Variants in ERGIC1 observed in about 807,000 individuals in gnomAD.
The protein encoded by ERGIC1 is endoplasmic reticulum-golgi intermediate compartment 1.
Under a neutral mutation model 38.3 loss-of-function variants are expected in ERGIC1, and 19 were observed. The ratio of observed to expected loss-of-function variants is 0.50; its 90% CI spans 0.35 to 0.73. The LOEUF is 0.73. Ranked by LOEUF, ERGIC1 falls within the 30% of genes least tolerant of loss-of-function variation. ERGIC1 has a pLI of 0.01. For missense variants in ERGIC1, 294 were observed against 389.2 expected (o/e 0.76, Z 2.06); for synonymous variants, 124 against 157.6 (o/e 0.79, Z 1.60).
intron 3 of ERGIC1, among the ~76,000 whole-genome samples, chr5:172,909,117 C>G (rs1581564502): frequency 6.6e-6 from 1 of 151,898 alleles, no homozygotes; most frequent in East Asian, 1.9e-4. Context: ...GCTCTTACCA[C>G]CGTGCTATCT....
intron 3 of ERGIC1, among the ~76,000 whole-genome samples, chr5:172,909,007 G>A (rs1055527457): frequency 4.6e-5 from 7 of 152,048 alleles, no homozygotes; most frequent in Non-Finnish European, 8.8e-5. Flanking sequence ...CACCTTATTC[G>A]TAGTGGGTGG....
At chr5:172,888,666 C>A in intron 1 of ERGIC1, 33 bp from the exon 2 acceptor site, 1 of 1,599,338 alleles carries the variant, frequency 6.3e-7, no homozygotes, top group Non-Finnish European at 8.6e-7. Context: ...CCCTTTGTGC[C>A]CACCTCACTC....
In ERGIC1 at chr5:172,908,309, G is replaced by C. The variant is rs1487917551; in HGVS notation, c.156-1358G>C. Among the ~76,000 whole-genome samples, 20 of 36,748 alleles carry C rather than the reference G, an allele frequency of 5.4e-4. 2 individuals carry two copies. The highest frequency in any genetic ancestry group is 2.4e-3 in the African/African-American group (20 of 8,416). The allele number at this position is 36,748 out of a possible 152,430, so 24.1% of individuals were successfully genotyped here. ...CTTTGGGAGGCTGAGGCGGGGGCGG[G>C]GGGGGGGGGAGAGAGGGGAGGGGGG... On this transcript the variant is annotated intron_variant, in intron 3 of 9. Transcript: ENST00000393784.
rs562604051 is a variant in ERGIC1, at chr5:172,923,988, T to G, written c.376-17T>G. ...GAGAAGTCAACCAAACTCCTGAAACTCACATTTCTCCCCCAGGTCCCCGGC... is the reference window on the plus strand; with the variant it reads ...GAGAAGTCAACCAAACTCCTGAAACGCACATTTCTCCCCCAGGTCCCCGGC... On this transcript the variant is annotated splice_polypyrimidine_tract_variant and intron_variant, in intron 5 of 9. Coordinates refer to ENST00000393784, the MANE Select transcript of ERGIC1 (RefSeq NM_001031711.3). 7.4e-6 allele frequency: 12 copies of G among 1,613,074 alleles called. No individual in the cohort carries two copies. In the African/African-American group the frequency reaches 1.6e-4, roughly 22 times the overall value.
chr5:172,841,735 C>G (rs551996623), intron 1 of ERGIC1, among the ~76,000 whole-genome samples: 1 of 152,284 alleles, frequency 6.6e-6, no homozygotes, highest in Admixed American at 6.5e-5. Context: ...CAATACCTCA[C>G]GGCCCTTCAG....
chr5:172,903,968 TACACAC>T (rs70984919), intron 3 of ERGIC1, among the ~76,000 whole-genome samples: 4 of 150,292 alleles, frequency 2.7e-5, no homozygotes, highest in Non-Finnish European at 4.4e-5. Flanking sequence ...GTCTCACACA[TACACAC>T]ACACACACAC....
At chr5:172,871,852 CT>C (rs1758979735) in intron 1 of ERGIC1, among the ~76,000 whole-genome samples, 1 of 152,220 alleles carries the variant, frequency 6.6e-6, no homozygotes. Context: ...CATTTATAAC[CT>C]GCTTATTATA....
Position 172,846,305 on chromosome 5 carries a change from G to C in ERGIC1, c.20+11872G>C, listed in dbSNP as rs543245104. Among the ~76,000 whole-genome samples, 1 of 152,184 alleles carries C rather than the reference G, an allele frequency of 6.6e-6. No homozygotes were observed. Among genetic ancestry groups the C allele is most frequent in the African/African-American group, 2.4e-5 (1 of 41,446 alleles). On this transcript the variant is annotated intron_variant, in intron 1 of 9. Transcript: ENST00000393784. The surrounding 1 kb of genome is among the most constrained non-coding windows in gnomAD (Gnocchi z 4.0). ...GTGTGATGCTACGTGACTTAACAGC[G>C]CCTCTTTCTGCGCTGTCTGTGCAGG...
chr5:172,877,900 A>C (rs1171655260), intron 1 of ERGIC1, among the ~76,000 whole-genome samples: 1 of 152,222 alleles, frequency 6.6e-6, no homozygotes, highest in African/African-American at 2.4e-5. Context: ...CCAGCCCAGC[A>C]AGAGTGGAAG....
At chr5:172,838,342 C>A (rs1270793842) in intron 1 of ERGIC1, among the ~76,000 whole-genome samples, 1 of 152,140 alleles carries the variant, frequency 6.6e-6, no homozygotes, top group Admixed American at 6.5e-5. Flanking sequence ...CAAGCATGGA[C>A]CCCCCTCTGA....
rs942678005 is a variant in ERGIC1, at chr5:172,907,582, G to A, written c.156-2085G>A. Among the ~76,000 whole-genome samples the A allele has an allele frequency of 3.3e-5, 5 of 151,420 alleles. No homozygotes were observed. In the South Asian group the frequency reaches 8.3e-4, roughly 25 times the overall value. On this transcript the variant is annotated intron_variant, in intron 3 of 9. Coordinates refer to ENST00000393784, the MANE Select transcript of ERGIC1 (RefSeq NM_001031711.3). Reference sequence around the variant, plus strand: ...AAAAAAAAAAAAGTATAAAGGCCTCGTGCAGCCTCCTTACACTGCAACCAC... The same window carrying A: ...AAAAAAAAAAAAGTATAAAGGCCTCATGCAGCCTCCTTACACTGCAACCAC...
rs953504699 is a variant in ERGIC1 at position 172,934,954 on chromosome 5, T to A, written c.643-234T>A. ...TTCTGATTCTGGTGCTGCTTGCAGC[T>A]CACTTGGTCAATTTCTAAACAACCA... On this transcript the variant is annotated intron_variant, in intron 8 of 9. Transcript: ENST00000393784. 4 of 550,810 alleles carry A rather than the reference T, an allele frequency of 7.3e-6. No individual in the cohort carries two copies. In the East Asian group the frequency reaches 1.2e-4, roughly 16 times the overall value. The allele number at this position is 550,810 out of a possible 1,614,324, so 34.1% of individuals were successfully genotyped here. A position where few individuals can be genotyped will look rare whatever the true frequency, so the allele number is the denominator to read the frequency against.
intron 3 of ERGIC1, among the ~76,000 whole-genome samples, chr5:172,901,902 T>G (rs1581557308): frequency 6.6e-6 from 1 of 152,182 alleles, no homozygotes; most frequent in Admixed American, 6.5e-5. Flanking sequence ...CCCCGGCAGG[T>G]CAGCACTTCA....
intron 1 of ERGIC1, among the ~76,000 whole-genome samples, chr5:172,869,413 T>G (rs1372461107): frequency 6.6e-6 from 1 of 152,172 alleles, no homozygotes; most frequent in African/African-American, 2.4e-5. Flanking sequence ...TAGCCATGAC[T>G]CACACCGAGT....
chr5:172,931,900 C>T (rs1031385114), intron 7 of ERGIC1, among the ~76,000 whole-genome samples: 9 of 143,302 alleles, frequency 6.3e-5, no homozygotes, highest in Non-Finnish European at 1.0e-4. Context: ...GCTCTATCGC[C>T]CAGGCTGGAG....
At chr5:172,839,124 C>A (rs1761096802) in intron 1 of ERGIC1, among the ~76,000 whole-genome samples, 1 of 151,552 alleles carries the variant, frequency 6.6e-6, no homozygotes, top group Non-Finnish European at 1.5e-5. Flanking sequence ...ACCTGTAATC[C>A]CAGCTCCTCG....
At chr5:172,881,312 GAC>G (rs1384989962) in intron 1 of ERGIC1, among the ~76,000 whole-genome samples, 3 of 152,158 alleles carry the variant, frequency 2.0e-5, no homozygotes, top group Admixed American at 2.0e-4. Context: ...ACGGTACAGG[GAC>G]CACGGTGTAC....
At chr5:172,949,304 C>G (rs1410076777) in intron 9 of ERGIC1, among the ~76,000 whole-genome samples, 1 of 152,190 alleles carries the variant, frequency 6.6e-6, no homozygotes, top group Non-Finnish European at 1.5e-5. Flanking sequence ...TTTTGAACCC[C>G]TATTCAGCCA....
intron 2 of ERGIC1, among the ~76,000 whole-genome samples, chr5:172,889,491 G>A (rs1205563598): frequency 2.0e-5 from 3 of 152,096 alleles, no homozygotes; most frequent in Non-Finnish European, 4.4e-5. Context: ...TGGAGAAATG[G>A]CTGATTTCAG....
Sources: allele counts gnomAD v4.1 joint callset (sites outside exome capture counted in the v4.1 genomes callset), GRCh38; gene constraint gnomAD v4.1.1; non-coding constraint Gnocchi (gnomAD v3.1); transcripts MANE v1.5; gene names NCBI Gene and HGNC (gene_info 2026-07-23, HGNC 2026-07-21).